Variants in CPNE4 observed in about 807,000 individuals in gnomAD.
CPNE4 encodes the protein copine-4.
In CPNE4, 25 loss-of-function variants were observed where a neutral mutation model predicts 67.9. The ratio of observed to expected loss-of-function variants is 0.37; its 90% CI spans 0.27 to 0.51. The LOEUF is 0.51. Among genes scored for constraint, CPNE4 ranks in the 20% least tolerant of loss-of-function variants. The probability of loss-of-function intolerance (pLI) is 0.93; values close to 1 mark genes in which losing one functional copy is unlikely to be tolerated. For missense variants in CPNE4, 464 were observed against 690.8 expected, an observed-to-expected ratio of 0.67 and a Z score of 3.68; for synonymous variants, 242 against 244.9, an observed-to-expected ratio of 0.99 and a Z score of 0.11.
At chr3:131,736,015 T>C (rs530609336) in intron 2 of CPNE4, among the ~76,000 whole-genome samples, 1 of 152,304 alleles carries the variant, frequency 6.6e-6, no homozygotes, top group South Asian at 2.1e-4. Flanking sequence ...CAGAGATAGC[T>C]GGGTTTCTTC....
intron 2 of CPNE4, among the ~76,000 whole-genome samples, chr3:131,782,466 TAATAC>T (rs2083453178): frequency 6.9e-6 from 1 of 145,836 alleles, no homozygotes; most frequent in Non-Finnish European, 1.5e-5. Flanking sequence ...CGATTTAAAG[TAATAC>T]ACACACACAC....
At chr3:131,964,508 C>T (rs901173177) in intron 1 of CPNE4, among the ~76,000 whole-genome samples, 1 of 151,760 alleles carries the variant, frequency 6.6e-6, no homozygotes, top group African/African-American at 2.4e-5. Flanking sequence ...ACTAGAATAA[C>T]CAGTTTAGAG....
chr3:131,702,375 A>G (rs1018874151), intron 3 of CPNE4, among the ~76,000 whole-genome samples: 2 of 152,156 alleles, frequency 1.3e-5, no homozygotes, highest in Non-Finnish European at 2.9e-5. Context: ...GCAATGTCTA[A>G]CCTCACGGAG....
At chr3:131,686,024 G>T in intron 5 of CPNE4, 66 bp from the exon 6 acceptor site, 1 of 871,894 alleles carries the variant, frequency 1.1e-6, no homozygotes, top group South Asian at 1.6e-5. Flanking sequence ...GATCAATCAG[G>T]AATATTTAAT....
intron 1 of CPNE4, among the ~76,000 whole-genome samples, chr3:132,005,717 G>T (rs1236517966): frequency 6.6e-6 from 1 of 151,574 alleles, no homozygotes; most frequent in Non-Finnish European, 1.5e-5. Context: ...TTTCCCAGTG[G>T]GTCCTCTGGA....
intron 3 of CPNE4, among the ~76,000 whole-genome samples, chr3:131,714,011 CT>C: frequency 1.3e-5 from 2 of 152,156 alleles, no homozygotes; most frequent in East Asian, 3.9e-4. Context: ...TGCAGTAATT[CT>C]GCAAAGTAAG....
intron 10 of CPNE4, among the ~76,000 whole-genome samples, chr3:131,567,667 A>G (rs1427184629): frequency 6.6e-6 from 1 of 152,036 alleles, no homozygotes; most frequent in African/African-American, 2.4e-5. Context: ...GGGTGGGGCA[A>G]AGATGATGGT....
chr3:131,942,459 TGTGTGAGAGAGA>T (rs1275753462), intron 1 of CPNE4, among the ~76,000 whole-genome samples: 203 of 56,220 alleles, frequency 3.6e-3, no homozygotes, highest in South Asian at 8.7e-3. Context: ...TGTGTGTGTG[TGTGTGAGAGAGA>T]GAGAGAGAGA....
At chr3:132,006,096 T>A (rs1261740769) in intron 1 of CPNE4, among the ~76,000 whole-genome samples, 1 of 152,086 alleles carries the variant, frequency 6.6e-6, no homozygotes, top group Non-Finnish European at 1.5e-5. Flanking sequence ...GATCTCAACG[T>A]ATTGTTGTTG....
intron 3 of CPNE4, among the ~76,000 whole-genome samples, chr3:131,719,680 T>G (rs2081830168): frequency 6.6e-6 from 1 of 152,166 alleles, no homozygotes; most frequent in Non-Finnish European, 1.5e-5. Context: ...TAATAAGGCA[T>G]CCATAGATAG....
intron 2 of CPNE4, among the ~76,000 whole-genome samples, chr3:131,790,584 T>C (rs1349518689): frequency 6.6e-6 from 1 of 152,154 alleles, no homozygotes; most frequent in Non-Finnish European, 1.5e-5. Context: ...ATCCTGCCCT[T>C]CTTTTCTTCA....
chr3:131,583,508 T>A (rs1937975645), intron 8 of CPNE4, among the ~76,000 whole-genome samples: 1 of 152,164 alleles, frequency 6.6e-6, no homozygotes, highest in Non-Finnish European at 1.5e-5. Flanking sequence ...TTTCTATTAA[T>A]CTCAATTTCT....
At chr3:131,966,322 C>G (rs1445767705) in intron 1 of CPNE4, among the ~76,000 whole-genome samples, 1 of 151,946 alleles carries the variant, frequency 6.6e-6, no homozygotes, top group Non-Finnish European at 1.5e-5. Context: ...ACTAGAGAAG[C>G]AAGAGCAAAC....
intron 3 of CPNE4, among the ~76,000 whole-genome samples, chr3:131,702,832 T>C (rs1169125595): frequency 1.3e-5 from 2 of 152,238 alleles, no homozygotes; most frequent in African/African-American, 4.8e-5. Context: ...AATGCTACTG[T>C]ATGCCAGCTT....
chr3:131,885,540 TTTA>T lies in CPNE4; in HGVS notation c.180+19721_180+19723del, dbSNP rs540511733. On this transcript the variant is annotated intron_variant, in intron 2 of 15. Transcript: ENST00000429747. ...CATATTTTAAATTTTTTTTAATTTT[TTTA>T]TTTTTTTATTATTATACTTTAAGTT... Among the ~76,000 whole-genome samples the T allele has an allele frequency of 4.6e-3, 705 of 151,938 alleles. 8 individuals are homozygous for T. The highest frequency in any genetic ancestry group is 0.015 in the African/African-American group (623 of 41,468).
chr3:131,999,151 G>A (rs2073364836), intron 1 of CPNE4, among the ~76,000 whole-genome samples: 1 of 146,324 alleles, frequency 6.8e-6, no homozygotes, highest in African/African-American at 2.6e-5. Flanking sequence ...GTAGTGTAAT[G>A]CAGGGAAAAG....
At chr3:131,645,610 TAC>T (rs1205231066) in intron 7 of CPNE4, among the ~76,000 whole-genome samples, 1 of 152,216 alleles carries the variant, frequency 6.6e-6, no homozygotes. Context: ...AAGTTTCAAA[TAC>T]AGAGTTTTGA....
intron 2 of CPNE4, among the ~76,000 whole-genome samples, chr3:131,797,490 A>G (rs901034540): frequency 6.6e-6 from 1 of 152,192 alleles, no homozygotes; most frequent in Non-Finnish European, 1.5e-5. Context: ...CTGCACTTAC[A>G]TTGTATTGCA....
chr3:131,739,924 CCT>C (rs2082319866), intron 2 of CPNE4, among the ~76,000 whole-genome samples: 1 of 152,226 alleles, frequency 6.6e-6, no homozygotes, highest in South Asian at 2.1e-4. Context: ...ATCCCAGTTA[CCT>C]CTCTCTGTAC....
Sources: allele counts gnomAD v4.1 joint callset (sites outside exome capture counted in the v4.1 genomes callset), GRCh38; gene constraint gnomAD v4.1.1; transcripts MANE v1.5; gene names NCBI Gene and HGNC (gene_info 2026-07-23, HGNC 2026-07-21).